TENM4: variants seen among roughly 807,000 people sequenced by gnomAD.
TENM4 encodes teneurin transmembrane protein 4.
A neutral mutation model predicts 243.3 loss-of-function variants in TENM4; 82 were observed. The ratio of observed to expected loss-of-function variants is 0.34; its 90% confidence interval spans 0.28 to 0.40. The LOEUF is 0.40. Among genes scored for constraint, TENM4 ranks in the 10% least tolerant of loss-of-function variants. The pLI is 1.00. For synonymous variants in TENM4, 1,412 were observed against 1,456.3 expected, an observed-to-expected ratio of 0.97 and a Z score of 0.69; for missense variants, 3,138 against 3,673.3, an observed-to-expected ratio of 0.85 and a Z score of 3.77.
At chr11:79,129,078 C>T (rs537378735) in intron 4 of TENM4, among the ~76,000 whole-genome samples, 2 of 152,266 alleles carry the variant, frequency 1.3e-5, no homozygotes, top group Non-Finnish European at 2.9e-5. Context: ...GGGAGAGCCT[C>T]CTCTCCTGAA....
intron 1 of TENM4, among the ~76,000 whole-genome samples, chr11:79,437,714 C>A (rs904576219): frequency 1.3e-5 from 2 of 152,220 alleles, no homozygotes; most frequent in Admixed American, 1.3e-4. Flanking sequence ...GGGCCCGGCT[C>A]GCCGGGAAAC....
In TENM4 at chr11:79,124,645, ATGTGTGTGTGTG is replaced by A. The variant is rs35642884; in HGVS notation, c.-66+24053_-66+24064del. Among the ~76,000 whole-genome samples, 38 of 133,860 alleles carry A rather than the reference ATGTGTGTGTGTG, an allele frequency of 2.8e-4. No homozygotes were observed. In the South Asian group the frequency reaches 7.9e-3, roughly 28 times the overall value. 87.8% of individuals were successfully genotyped at this position (133,860 alleles called of 152,430 possible). A position where few individuals can be genotyped will look rare whatever the true frequency, so the allele number is the denominator to read the frequency against. On this transcript the variant is annotated intron_variant, in intron 4 of 33. Coordinates refer to ENST00000278550, the MANE Select transcript of TENM4 (RefSeq NM_001098816.3). ...CATACATATGCACGTATATATATAT[ATGTGTGTGTGTG>A]TGTGTGTGTGTGTGTGTGTATACAT...
chr11:79,414,181 C>T (rs1858764451), intron 1 of TENM4, among the ~76,000 whole-genome samples: 1 of 151,826 alleles, frequency 6.6e-6, no homozygotes, highest in Admixed American at 6.6e-5. Flanking sequence ...CACACACACA[C>T]ACGCACACAA....
intron 4 of TENM4, among the ~76,000 whole-genome samples, chr11:79,077,758 C>G (rs995815580): frequency 6.6e-6 from 1 of 152,112 alleles, no homozygotes; most frequent in African/African-American, 2.4e-5. Flanking sequence ...GAGGGAGCAG[C>G]CTGGTAGAAG....
intron 6 of TENM4, among the ~76,000 whole-genome samples, chr11:78,980,907 C>T (rs1418331428): frequency 6.6e-6 from 1 of 152,026 alleles, no homozygotes; most frequent in African/African-American, 2.4e-5. Context: ...GATTATTATT[C>T]CTGTTTTCTA....
chr11:79,167,860 G>A (rs919360516), intron 3 of TENM4, among the ~76,000 whole-genome samples: 1 of 152,140 alleles, frequency 6.6e-6, no homozygotes, highest in Non-Finnish European at 1.5e-5. Context: ...CTGTGGCTGG[G>A]GCACCTACCC....
In TENM4 at chr11:78,851,708, G is replaced by A. The variant is rs76038304; in HGVS notation, c.1681+2396C>T. Among the ~76,000 whole-genome samples, 1,508 of 152,200 alleles carry A rather than the reference G, an allele frequency of 9.9e-3. 19 individuals carry two copies. Among genetic ancestry groups the A allele is most frequent in the African/African-American group, 0.035 (1,455 of 41,542 alleles). The stretch of plus-strand genomic sequence containing the variant: ...CTAAACTGTCGTCATCCTATCCGGA[G>A]AGAAAAAAGAATCAGGGCCTGTAGC... On this transcript the variant is annotated intron_variant, in intron 12 of 33. Coordinates refer to ENST00000278550, the MANE Select transcript of TENM4 (RefSeq NM_001098816.3).
chr11:78,982,866 G>C (rs1481404262), intron 6 of TENM4, among the ~76,000 whole-genome samples: 1 of 152,186 alleles, frequency 6.6e-6, no homozygotes, highest in Non-Finnish European at 1.5e-5. Flanking sequence ...CAAAGTCTCT[G>C]AGCTCAGCCT....
intron 2 of TENM4, among the ~76,000 whole-genome samples, chr11:79,258,175 C>T (rs1242692446): frequency 6.6e-6 from 1 of 152,066 alleles, no homozygotes; most frequent in Non-Finnish European, 1.5e-5. Flanking sequence ...GATAAATAGG[C>T]CTCTCTATTA....
intron 27 of TENM4, among the ~76,000 whole-genome samples, chr11:78,703,116 C>G (rs1038254019): frequency 6.6e-6 from 1 of 152,030 alleles, no homozygotes; most frequent in Non-Finnish European, 1.5e-5. Context: ...AAAACCCCAC[C>G]CTTGGTGGGT....
intron 3 of TENM4, among the ~76,000 whole-genome samples, chr11:79,163,260 C>G (rs1321786203): frequency 6.6e-6 from 1 of 152,040 alleles, no homozygotes; most frequent in Non-Finnish European, 1.5e-5. Context: ...CTAGTTGCTT[C>G]ACGTTTGTAT....
chr11:79,335,504 A>AT (rs949639646), intron 1 of TENM4, among the ~76,000 whole-genome samples: 22 of 152,190 alleles, frequency 1.4e-4, no homozygotes, highest in Non-Finnish European at 2.8e-4. Context: ...ATTTGTATCA[A>AT]TTTTTTTGCA....
At chr11:79,018,798 T>C (rs1565169590) in intron 6 of TENM4, among the ~76,000 whole-genome samples, 1 of 152,246 alleles carries the variant, frequency 6.6e-6, no homozygotes, top group Non-Finnish European at 1.5e-5. Context: ...GACATTTTTT[T>C]AGCCAGACTT....
At chr11:78,992,833 A>G (rs1858079801) in intron 6 of TENM4, among the ~76,000 whole-genome samples, 1 of 152,188 alleles carries the variant, frequency 6.6e-6, no homozygotes, top group Non-Finnish European at 1.5e-5. Context: ...TTCTCATTAT[A>G]AGACTTTAAT....
At chr11:79,170,684 G>A (rs1380374285) in intron 3 of TENM4, among the ~76,000 whole-genome samples, 1 of 152,156 alleles carries the variant, frequency 6.6e-6, no homozygotes, top group African/African-American at 2.4e-5. Flanking sequence ...TAATGGAGAG[G>A]CATGGAACAA....
At chr11:79,409,149 T>C (rs1450584626) in intron 1 of TENM4, among the ~76,000 whole-genome samples, 1 of 149,016 alleles carries the variant, frequency 6.7e-6, no homozygotes, top group Non-Finnish European at 1.5e-5. Context: ...TGAGAGTTAG[T>C]GGTTTTAGAA....
intron 2 of TENM4, among the ~76,000 whole-genome samples, chr11:79,228,201 G>C (rs1042812105): frequency 1.1e-4 from 17 of 152,206 alleles, no homozygotes; most frequent in African/African-American, 3.9e-4. Context: ...CCATGGAGCA[G>C]GCCCCTCGGG....
At chr11:79,340,990 G>A (rs1857232711) in intron 1 of TENM4, among the ~76,000 whole-genome samples, 1 of 152,326 alleles carries the variant, frequency 6.6e-6, no homozygotes, top group African/African-American at 2.4e-5. Flanking sequence ...GTTCTTATAA[G>A]AGGACAGTGA....
rs759098877 is a variant in TENM4 at position 78,661,542 on chromosome 11, G to A, written c.7458C>T (p.Ile2486=). 1 of 1,613,306 alleles carries A rather than the reference G, an allele frequency of 6.2e-7. No homozygotes were observed. Among genetic ancestry groups the A allele is most frequent in the South Asian group, 1.1e-5 (1 of 90,734 alleles). The part of the protein sequence containing the change: ...LTFGFQLHNV[I]PGYPKPDMDA... ...CCATGTCTGGTTTGGGATAACCAGG[G>A]ATCACGTTGTGTAGCTGGAATCCAA... The change falls in exon 33 of 34, where the codon ATC becomes ATT. Residue 2486 remains isoleucine, a synonymous_variant. Coordinates refer to ENST00000278550, the MANE Select transcript of TENM4 (RefSeq NM_001098816.3).
Sources: gnomAD v4.1 joint callset for allele counts (sites outside exome capture counted in the v4.1 genomes callset) on GRCh38, gnomAD v4.1.1 for gene constraint, MANE v1.5 for transcripts, NCBI Gene and HGNC (gene_info 2026-07-23, HGNC 2026-07-21) for gene names.